GPHN: variants seen among roughly 807,000 people sequenced by gnomAD.
GPHN encodes gephyrin.
In GPHN, 17 loss-of-function variants were observed where a neutral mutation model predicts 95.5. The ratio of observed to expected loss-of-function variants is 0.18; its 90% CI spans 0.12 to 0.27. The LOEUF (loss-of-function observed/expected upper bound fraction) is 0.27. Ranked by LOEUF, GPHN falls within the 10% of genes least tolerant of loss-of-function variation. GPHN has a pLI of 1.00. For synonymous variants in GPHN, 320 were observed against 322.5 expected (o/e 0.99, Z 0.08); for missense variants, 660 against 978.1 (o/e 0.67, Z 4.34).
the GPHN span, chr14:67,584,247 C>T: frequency 1.1e-6 from 1 of 940,974 alleles, no homozygotes; most frequent in Non-Finnish European, 1.6e-6. Flanking sequence ...ACTATCCCTC[C>T]ACTGTTTCTG....
the GPHN span, among the ~76,000 whole-genome samples, chr14:67,557,966 G>A: frequency 6.6e-6 from 1 of 152,350 alleles, no homozygotes; most frequent in South Asian, 2.1e-4. Context: ...GTTTCTTAGT[G>A]AAGCTGAAGA....
the GPHN span, among the ~76,000 whole-genome samples, chr14:67,246,327 C>G: frequency 8.0e-3 from 1,210 of 151,082 alleles, 15 homozygotes; most frequent in African/African-American, 0.027. Context: ...AAGGTCTTGG[C>G]TATGTTGCCC....
At chr14:67,325,412 C>T in the GPHN span, among the ~76,000 whole-genome samples, 1 of 152,242 alleles carries the variant, frequency 6.6e-6, no homozygotes, top group Non-Finnish European at 1.5e-5. Context: ...TAAAGTAGTG[C>T]TGCACCCCTT....
At chr14:67,576,588 G>A in the GPHN span, 241 of 698,756 alleles carry the variant, frequency 3.4e-4, 4 homozygotes, top group South Asian at 3.8e-3. This position sits in a 1 kb window ranked among gnomAD's most constrained non-coding sequence, Gnocchi z 4.0. Context: ...AAGCAGTGTT[G>A]TACCCTGAAG....
At chr14:67,036,046 C>T (rs1257224656) in intron 10 of GPHN, among the ~76,000 whole-genome samples, 2 of 151,792 alleles carry the variant, frequency 1.3e-5, no homozygotes, top group Non-Finnish European at 3.0e-5. Context: ...TGGGATTTAT[C>T]CCTGGAATGC....
intron 11 of GPHN, among the ~76,000 whole-genome samples, chr14:67,081,287 T>C (rs2076684251): frequency 6.6e-6 from 1 of 152,218 alleles, no homozygotes; most frequent in Admixed American, 6.5e-5. Flanking sequence ...TCTTTTATTT[T>C]TTCATTATGG....
At chr14:66,999,812 A>G (rs2072091077) in intron 9 of GPHN, among the ~76,000 whole-genome samples, 1 of 151,870 alleles carries the variant, frequency 6.6e-6, no homozygotes, top group South Asian at 2.1e-4. Context: ...TCTGACAGAA[A>G]CTGAATTCCT....
At position 67,086,757 on chromosome 14, in the gene GPHN, C is replaced by T. The variant is rs113113122; in HGVS notation, c.1145-2226C>T. Among the ~76,000 whole-genome samples, 541 of 150,294 alleles carry T rather than the reference C, an allele frequency of 3.6e-3. 9 individuals carry two copies. The highest frequency in any genetic ancestry group is 0.012 in the African/African-American group (501 of 40,934). On this transcript the variant is annotated intron_variant, in intron 11 of 22. Transcript: ENST00000478722. Reference sequence around the variant, plus strand: ...ACTTACTGTATTTAAACGTCTCTTCCGGCCAGGCGCGTGGCTCACGCCTGT... The same window carrying T: ...ACTTACTGTATTTAAACGTCTCTTCTGGCCAGGCGCGTGGCTCACGCCTGT...
the GPHN span, chr14:67,398,023 G>T: frequency 2.5e-6 from 1 of 405,850 alleles, no homozygotes. Flanking sequence ...GTTCCTATTT[G>T]GCCATTTCTC....
At chr14:66,689,471 A>G (rs2067627518) in intron 2 of GPHN, among the ~76,000 whole-genome samples, 1 of 151,994 alleles carries the variant, frequency 6.6e-6, no homozygotes, top group Admixed American at 6.6e-5. Flanking sequence ...GTGGTTGGTA[A>G]TTTTTGCTTC....
At chr14:67,156,478 C>A (rs1347990673) in intron 18 of GPHN, among the ~76,000 whole-genome samples, 1 of 151,630 alleles carries the variant, frequency 6.6e-6, no homozygotes, top group African/African-American at 2.4e-5. Flanking sequence ...TGTAATAAGT[C>A]AAGGATGCAT....
the GPHN span, chr14:67,651,538 A>G: frequency 6.3e-7 from 1 of 1,590,680 alleles, no homozygotes; most frequent in Non-Finnish European, 8.6e-7. Flanking sequence ...TTCCTTCTAA[A>G]CATTTTGGGG....
chr14:66,969,525 C>G (rs150982494), intron 9 of GPHN: 1 of 152,344 alleles, frequency 6.6e-6, no homozygotes, highest in Non-Finnish European at 1.5e-5. Flanking sequence ...CAAGGCCGGG[C>G]ACAGTGGCTC....
At chr14:67,611,624 G>T in the GPHN span, among the ~76,000 whole-genome samples, 3 of 152,096 alleles carry the variant, frequency 2.0e-5, no homozygotes, top group South Asian at 6.2e-4. Context: ...CTTTGTATCG[G>T]TTGCAAAGAA....
chr14:66,564,152 AT>A (rs2060369373), intron 1 of GPHN, among the ~76,000 whole-genome samples: 1 of 152,152 alleles, frequency 6.6e-6, no homozygotes, highest in South Asian at 2.1e-4. Flanking sequence ...GTTTAAAAAA[AT>A]AACTGTCCTT....
At chr14:66,847,408 T>A (rs2062382156) in intron 4 of GPHN, among the ~76,000 whole-genome samples, 1 of 152,112 alleles carries the variant, frequency 6.6e-6, no homozygotes, top group East Asian at 1.9e-4. Flanking sequence ...ACTCATTTTA[T>A]TAATAATAAA....
At chr14:66,701,892 G>T (rs959395426) in intron 2 of GPHN, among the ~76,000 whole-genome samples, 11 of 152,192 alleles carry the variant, frequency 7.2e-5, no homozygotes, top group African/African-American at 2.7e-4. Flanking sequence ...AGCATGCTAA[G>T]CTCCCTGGGC....
rs138580084 is a variant in GPHN at position 66,625,784 on chromosome 14, TTAATC to T, written c.65-55321_65-55317del. Among the ~76,000 whole-genome samples the T allele has an allele frequency of 5.3e-4, 81 of 152,340 alleles. No individual in the cohort carries two copies. In the East Asian group the frequency reaches 0.014, roughly 27 times the overall value. ...CTTTTTGTTTGTTACTGCGTTTAGT[TTAATC>T]TGTGCTATTTATGATGCAAGCTTTC... On this transcript the variant is annotated intron_variant, in intron 1 of 22. Transcript: ENST00000478722.
At chr14:66,631,237 C>T (rs1025321998) in intron 1 of GPHN, among the ~76,000 whole-genome samples, 9 of 151,940 alleles carry the variant, frequency 5.9e-5, no homozygotes, top group Non-Finnish European at 1.0e-4. Flanking sequence ...TCAATAGAGA[C>T]GAGGTTTCAC....
Sources: gnomAD v4.1 joint callset for allele counts (sites outside exome capture counted in the v4.1 genomes callset) on GRCh38, gnomAD v4.1.1 for gene constraint, Gnocchi (gnomAD v3.1) non-coding constraint, MANE v1.5 for transcripts, NCBI Gene and HGNC (gene_info 2026-07-23, HGNC 2026-07-21) for gene names.